Variants in CTNNA3 observed in about 807,000 individuals in gnomAD.
CTNNA3 encodes the protein catenin alpha-3.
CTNNA3 carries 76 observed loss-of-function variants against 95.7 expected under a neutral mutation model. That is an observed-to-expected ratio of 0.79 (90% CI 0.66 to 0.96). CTNNA3 has a LOEUF of 0.96. Ranked by LOEUF, CTNNA3 falls within the 40% of genes least tolerant of loss-of-function variation. The pLI is 0.00. For synonymous variants in CTNNA3, 431 were observed against 374.4 expected (o/e 1.15, Z -1.74); for missense variants, 1,191 against 1,089.8 (o/e 1.09, Z -1.31).
intron 9 of CTNNA3, among the ~76,000 whole-genome samples, chr10:66,629,092 C>T (rs1329613327): frequency 6.6e-6 from 1 of 151,768 alleles, no homozygotes; most frequent in Admixed American, 6.6e-5. Context: ...TCATGGAGAC[C>T]AGGAGAAGAA....
In CTNNA3 at chr10:67,253,289, C is replaced by T. The variant is rs151008720; in HGVS notation, c.580-33419G>A. Among the ~76,000 whole-genome samples the T allele has an allele frequency of 2.0e-5, 3 of 152,224 alleles. No homozygotes were observed. In the East Asian group the frequency reaches 5.8e-4, roughly 29 times the overall value. On this transcript the variant is annotated intron_variant, in intron 5 of 17. Transcript: ENST00000433211. ...ATCTCAGCAGGACTGAGCAAGAGAG[C>T]ACAAGATTTCAAAATGTTATGCAGA...
At chr10:65,922,161 TCC>T (rs2077097618) in intron 17 of CTNNA3, among the ~76,000 whole-genome samples, 1 of 152,194 alleles carries the variant, frequency 6.6e-6, no homozygotes, top group Non-Finnish European at 1.5e-5. Flanking sequence ...TCCAAGAATA[TCC>T]TACTTCCAAT....
At chr10:67,265,322 A>G (rs1005557399) in intron 5 of CTNNA3, among the ~76,000 whole-genome samples, 5 of 152,104 alleles carry the variant, frequency 3.3e-5, no homozygotes, top group Admixed American at 6.5e-5. Flanking sequence ...CTTTTTTTAT[A>G]TCTTCTCTTT....
chr10:67,080,949 A>G (rs1382229381), intron 7 of CTNNA3, among the ~76,000 whole-genome samples: 4 of 150,404 alleles, frequency 2.7e-5, no homozygotes, highest in African/African-American at 4.9e-5. Context: ...AAAAAAAAAA[A>G]CAAAGAAGAG....
At chr10:65,926,900 C>A (rs1282421188) in intron 17 of CTNNA3, among the ~76,000 whole-genome samples, 1 of 152,110 alleles carries the variant, frequency 6.6e-6, no homozygotes, top group African/African-American at 2.4e-5. Context: ...GCATATTCTC[C>A]TATGGTTACA....
At chr10:66,949,404 C>T (rs1341172931) in intron 7 of CTNNA3, among the ~76,000 whole-genome samples, 1 of 151,896 alleles carries the variant, frequency 6.6e-6, no homozygotes, top group African/African-American at 2.4e-5. Context: ...TAAAAAAATA[C>T]AAAATTAGCC....
intron 7 of CTNNA3, among the ~76,000 whole-genome samples, chr10:67,110,681 C>G (rs1043443805): frequency 3.3e-5 from 5 of 152,256 alleles, no homozygotes; most frequent in Non-Finnish European, 7.4e-5. Flanking sequence ...ATTAAAACAT[C>G]TGCATAATTA....
rs1861942248 is a variant in CTNNA3 at position 67,169,961 on chromosome 10, G to T, written c.1047+10356C>A. 2.6e-5 allele frequency among the ~76,000 whole-genome samples: 4 copies of T among 152,122 alleles called. No individual in the cohort carries two copies. In the East Asian group the frequency reaches 7.7e-4, roughly 29 times the overall value. On this transcript the variant is annotated intron_variant, in intron 7 of 17. Transcript: ENST00000433211. ...ACAACCCCATTAAAAAGCAGGTAAA[G>T]GATATGAACACACTTTTCAAAAGAA...
chr10:67,471,584 A>C (rs971269878), intron 5 of CTNNA3, among the ~76,000 whole-genome samples: 3 of 152,232 alleles, frequency 2.0e-5, no homozygotes, highest in Non-Finnish European at 4.4e-5. Context: ...ACTGAAGAAA[A>C]AAAGAACTGG....
chr10:66,749,309 G>T (rs555086057), intron 9 of CTNNA3, among the ~76,000 whole-genome samples: 1 of 150,478 alleles, frequency 6.6e-6, no homozygotes, highest in African/African-American at 2.4e-5. Context: ...TGTATCCACC[G>T]TTGCAGTATC....
intron 12 of CTNNA3, among the ~76,000 whole-genome samples, chr10:66,286,830 G>T (rs993827208): frequency 6.6e-6 from 1 of 151,936 alleles, no homozygotes; most frequent in Non-Finnish European, 1.5e-5. Flanking sequence ...CTATAATTAT[G>T]TGTCAGAGTA....
At chr10:66,516,133 T>C (rs543734508) in intron 11 of CTNNA3, among the ~76,000 whole-genome samples, 3 of 151,328 alleles carry the variant, frequency 2.0e-5, no homozygotes, top group Non-Finnish European at 4.4e-5. Context: ...TCTAGGCTGG[T>C]ACAAAAAAGA....
intron 1 of CTNNA3, among the ~76,000 whole-genome samples, chr10:67,670,612 C>CCA (rs1008438826): frequency 2.0e-5 from 3 of 151,964 alleles, no homozygotes; most frequent in African/African-American, 7.2e-5. Flanking sequence ...TCTGAGTAAC[C>CCA]CACACACACA....
At chr10:66,765,847 T>C (rs1839825921) in intron 9 of CTNNA3, among the ~76,000 whole-genome samples, 1 of 152,194 alleles carries the variant, frequency 6.6e-6, no homozygotes, top group Admixed American at 6.5e-5. Context: ...CTACCCTGTA[T>C]ATTCCTATAT....
chr10:66,685,151 A>G (rs1847204832), intron 9 of CTNNA3, among the ~76,000 whole-genome samples: 1 of 142,176 alleles, frequency 7.0e-6, no homozygotes. Context: ...AGAACTATAT[A>G]TATATACACG....
At chr10:67,563,641 T>A (rs1454704301) in intron 3 of CTNNA3, among the ~76,000 whole-genome samples, 1 of 151,894 alleles carries the variant, frequency 6.6e-6, no homozygotes, top group Non-Finnish European at 1.5e-5. Flanking sequence ...AATTGACAAA[T>A]GGGATCTAAT....
At chr10:65,930,756 A>G (rs1382149661) in intron 17 of CTNNA3, among the ~76,000 whole-genome samples, 1 of 151,860 alleles carries the variant, frequency 6.6e-6, no homozygotes, top group Non-Finnish European at 1.5e-5. Context: ...CCATCACTAG[A>G]AAAAAAATAT....
intron 17 of CTNNA3, among the ~76,000 whole-genome samples, chr10:65,928,437 T>A (rs2077200464): frequency 6.6e-6 from 1 of 152,210 alleles, no homozygotes; most frequent in Non-Finnish European, 1.5e-5. Flanking sequence ...TATGTTCTTA[T>A]AGAAATCTAT....
intron 5 of CTNNA3, among the ~76,000 whole-genome samples, chr10:67,519,698 C>A (rs575813742): frequency 1.3e-5 from 2 of 152,162 alleles, no homozygotes; most frequent in East Asian, 3.9e-4. Context: ...TATGTTCTGT[C>A]CCAGTGCGGA....
Sources: allele counts gnomAD v4.1 joint callset (sites outside exome capture counted in the v4.1 genomes callset), GRCh38; gene constraint gnomAD v4.1.1; transcripts MANE v1.5; gene names NCBI Gene and HGNC (gene_info 2026-07-23, HGNC 2026-07-21).